Variants in SYT9 observed in about 807,000 individuals in gnomAD.
SYT9 encodes synaptotagmin 9.
SYT9 carries 22 observed loss-of-function variants against 48.4 expected under a neutral mutation model. The observed-to-expected ratio is 0.45, with a 90% CI of 0.32 to 0.65. The LOEUF (loss-of-function observed/expected upper bound fraction) is 0.65, where lower values mean the gene tolerates loss of function less well. SYT9 is among the 30% of genes least tolerant of loss of function. The probability of loss-of-function intolerance (pLI) is 0.03; values close to 1 mark genes in which losing one functional copy is unlikely to be tolerated. For missense variants in SYT9, 577 were observed against 622.0 expected (o/e 0.93, Z 0.77); for synonymous variants, 265 against 245.0 (o/e 1.08, Z -0.76).
chr11:7,254,128 T>C (rs1487664092), intron 1 of SYT9, among the ~76,000 whole-genome samples: 3 of 152,128 alleles, frequency 2.0e-5, no homozygotes, highest in Admixed American at 2.0e-4. Flanking sequence ...AGTCACTAAG[T>C]AGGCTTCTTA....
intron 3 of SYT9, among the ~76,000 whole-genome samples, chr11:7,374,512 T>C (rs1229921217): frequency 6.6e-6 from 1 of 152,208 alleles, no homozygotes; most frequent in African/African-American, 2.4e-5. Flanking sequence ...TCCACAATGG[T>C]TGAACTAATT....
chr11:7,272,317 T>A (rs536108283), intron 1 of SYT9, among the ~76,000 whole-genome samples: 28 of 152,340 alleles, frequency 1.8e-4, no homozygotes, highest in Middle Eastern at 3.4e-3. Flanking sequence ...TCGGCATAAC[T>A]GACTTCTGTC....
intron 3 of SYT9, among the ~76,000 whole-genome samples, chr11:7,380,233 A>T (rs781515557): frequency 4.6e-5 from 7 of 152,112 alleles, no homozygotes; most frequent in Non-Finnish European, 1.0e-4. Flanking sequence ...GGGATCTAAA[A>T]ATCAAAATAC....
chr11:7,251,637 G>A (rs1287273248), upstream of SYT9, among the ~76,000 whole-genome samples: 1 of 152,176 alleles, frequency 6.6e-6, no homozygotes, highest in Non-Finnish European at 1.5e-5. Flanking sequence ...CACACTCGGC[G>A]GTGGGAGCGG....
At chr11:7,260,340 G>A (rs372532290) in intron 1 of SYT9, among the ~76,000 whole-genome samples, 38 of 152,314 alleles carry the variant, frequency 2.5e-4, no homozygotes, top group Middle Eastern at 3.4e-3. Flanking sequence ...GGGCAGAAGA[G>A]TTTGTCTGGA....
intron 3 of SYT9, among the ~76,000 whole-genome samples, chr11:7,324,151 G>T (rs533179870): frequency 6.6e-6 from 1 of 151,722 alleles, no homozygotes; most frequent in East Asian, 1.9e-4. Context: ...ATTGATTTTG[G>T]TGATTTAGAT....
intron 6 of SYT9, among the ~76,000 whole-genome samples, chr11:7,459,521 A>C (rs1848205494): frequency 6.6e-6 from 1 of 152,238 alleles, no homozygotes; most frequent in African/African-American, 2.4e-5. Flanking sequence ...AGATGTGACA[A>C]ATAAGATGTA....
At chr11:7,265,503 C>T (rs141754083) in intron 1 of SYT9, among the ~76,000 whole-genome samples, 2 of 152,286 alleles carry the variant, frequency 1.3e-5, no homozygotes, top group Non-Finnish European at 2.9e-5. Flanking sequence ...TACCTCTACA[C>T]AGCTAGGGTT....
intron 1 of SYT9, among the ~76,000 whole-genome samples, chr11:7,256,333 A>T (rs1163269410): frequency 6.6e-6 from 1 of 152,146 alleles, no homozygotes; most frequent in Non-Finnish European, 1.5e-5. Context: ...AGAATTGGAG[A>T]TCTCAGTTAT....
intron 3 of SYT9, among the ~76,000 whole-genome samples, chr11:7,340,586 G>C (rs941565872): frequency 6.6e-6 from 1 of 152,218 alleles, no homozygotes; most frequent in Admixed American, 6.5e-5. Context: ...CCTAACCAGT[G>C]AGGATAAGTG....
intron 6 of SYT9, chr11:7,457,343 C>A (rs1848165630): frequency 6.6e-6 from 1 of 152,180 alleles, no homozygotes; most frequent in African/African-American, 2.4e-5. Context: ...CCTGTGCCTG[C>A]CCCTGACATA....
chr11:7,249,452 G>C (rs2119739562), upstream of SYT9, among the ~76,000 whole-genome samples: 1 of 152,302 alleles, frequency 6.6e-6, no homozygotes, highest in East Asian at 1.9e-4. Context: ...TGGAATTGGA[G>C]GGATAGCTAT....
At chr11:7,299,795 G>A (rs1848884799) in intron 1 of SYT9, among the ~76,000 whole-genome samples, 2 of 152,200 alleles carry the variant, frequency 1.3e-5, no homozygotes, top group African/African-American at 4.8e-5. Context: ...TTTTGTGAGT[G>A]CATGAGCTGT....
chr11:7,452,103 G>C (rs76336151), intron 6 of SYT9, among the ~76,000 whole-genome samples: 16,165 of 137,884 alleles, frequency 0.12, 1,009 homozygotes, highest in African/African-American at 0.15. Flanking sequence ...AGCATTAATA[G>C]AGGTTTATAT....
chr11:7,292,285 G>T (rs189371077), intron 1 of SYT9, among the ~76,000 whole-genome samples: 1 of 152,206 alleles, frequency 6.6e-6, no homozygotes. Context: ...CTGAAGAAGT[G>T]TGGAAAAGGG....
intron 3 of SYT9, among the ~76,000 whole-genome samples, chr11:7,323,481 C>T (rs1849373678): frequency 6.6e-6 from 1 of 151,658 alleles, no homozygotes; most frequent in African/African-American, 2.4e-5. Flanking sequence ...TGTTTTATTA[C>T]ATTTATTACA....
At chr11:7,371,408 C>T (rs893616929) in intron 3 of SYT9, among the ~76,000 whole-genome samples, 3 of 151,846 alleles carry the variant, frequency 2.0e-5, no homozygotes, top group Non-Finnish European at 4.4e-5. Context: ...AATCTAGATT[C>T]ATAATTTTTA....
chr11:7,420,385 A>AAAAC (rs200173591), intron 5 of SYT9, 121 bp from the exon 6 acceptor site: 165 of 1,333,188 alleles, frequency 1.2e-4, no homozygotes, highest in South Asian at 1.1e-3. Flanking sequence ...AGGAAATGAA[A>AAAAC]AAACAAACAA....
chr11:7,360,316 G>A (rs1039823479), intron 3 of SYT9, among the ~76,000 whole-genome samples: 4 of 152,268 alleles, frequency 2.6e-5, no homozygotes, highest in African/African-American at 7.2e-5. Flanking sequence ...TTTGGCTTAG[G>A]ATTGACTTGG....
Sources: allele counts gnomAD v4.1 joint callset (sites outside exome capture counted in the v4.1 genomes callset), GRCh38; gene constraint gnomAD v4.1.1; transcripts MANE v1.5; gene names NCBI Gene and HGNC (gene_info 2026-07-23, HGNC 2026-07-21).